ESRRG: variants seen among roughly 807,000 people sequenced by gnomAD.
The protein encoded by ESRRG is estrogen-related receptor gamma.
Under a neutral mutation model 44.0 loss-of-function variants are expected in ESRRG, and 13 were observed. The ratio of observed to expected loss-of-function variants is 0.30; its 90% CI spans 0.19 to 0.47. The LOEUF (loss-of-function observed/expected upper bound fraction) is 0.47, where lower values mean the gene tolerates loss of function less well. ESRRG is among the 20% of genes least tolerant of loss of function. The pLI, the probability that ESRRG is intolerant of heterozygous loss-of-function variation, is 1.00. For missense variants in ESRRG, 395 were observed against 580.6 expected (o/e 0.68, Z 3.29); for synonymous variants, 215 against 214.6 (o/e 1.00, Z -0.02).
At chr1:216,552,583 C>A (rs566652431) in intron 5 of ESRRG, among the ~76,000 whole-genome samples, 1 of 152,148 alleles carries the variant, frequency 6.6e-6, no homozygotes, top group East Asian at 1.9e-4. Context: ...GTATTGCTAA[C>A]CCCAACTTAT....
At chr1:217,022,559 G>C (rs1334236954) in intron 1 of ESRRG, among the ~76,000 whole-genome samples, 1 of 152,052 alleles carries the variant, frequency 6.6e-6, no homozygotes, top group Non-Finnish European at 1.5e-5. Context: ...TGGCTAATGA[G>C]TTTTTCCCAA....
chr1:216,557,176 A>C (rs1482799451), intron 5 of ESRRG, among the ~76,000 whole-genome samples: 1 of 151,964 alleles, frequency 6.6e-6, no homozygotes, highest in Non-Finnish European at 1.5e-5. Context: ...TTTAAAATAC[A>C]CTCTTGTCCA....
At chr1:216,874,256 A>G (rs2096310531) in intron 2 of ESRRG, among the ~76,000 whole-genome samples, 1 of 152,128 alleles carries the variant, frequency 6.6e-6, no homozygotes. Context: ...GCCTTTCAAA[A>G]TTCTCACATA....
At chr1:216,785,709 C>T (rs530795005) in intron 2 of ESRRG, among the ~76,000 whole-genome samples, 62 of 151,938 alleles carry the variant, frequency 4.1e-4, no homozygotes, top group African/African-American at 1.4e-3. Context: ...TTTTTTTGCT[C>T]ATTTCCAAAA....
At chr1:216,631,694 C>T (rs1480161062) in intron 3 of ESRRG, among the ~76,000 whole-genome samples, 1 of 151,930 alleles carries the variant, frequency 6.6e-6, no homozygotes, top group Non-Finnish European at 1.5e-5. Flanking sequence ...CCACACATAC[C>T]TATATTATAT....
At chr1:216,512,780 T>C (rs1330803340) in intron 6 of ESRRG, among the ~76,000 whole-genome samples, 1 of 152,154 alleles carries the variant, frequency 6.6e-6, no homozygotes, top group Non-Finnish European at 1.5e-5. Context: ...TTTGTAGATG[T>C]GATTAAGTTA....
intron 3 of ESRRG, among the ~76,000 whole-genome samples, chr1:216,584,707 T>A (rs1296581922): frequency 2.0e-5 from 3 of 152,254 alleles, no homozygotes; most frequent in African/African-American, 7.2e-5. Context: ...CTTTTCATAT[T>A]ACTTCTACAT....
intron 3 of ESRRG, among the ~76,000 whole-genome samples, chr1:216,618,934 T>C (rs528092338): frequency 5.5e-4 from 83 of 152,214 alleles, no homozygotes; most frequent in Non-Finnish European, 9.8e-4. Context: ...GTGGTTTCCT[T>C]GGCACGTGTG....
intron 1 of ESRRG, among the ~76,000 whole-genome samples, chr1:217,076,567 T>C (rs531196936): frequency 1.3e-5 from 2 of 152,276 alleles, no homozygotes; most frequent in Admixed American, 1.3e-4. Flanking sequence ...ACTCTGAAGT[T>C]AGGACACAGC....
intron 2 of ESRRG, among the ~76,000 whole-genome samples, chr1:216,733,995 A>G (rs2089390712): frequency 6.6e-6 from 1 of 151,378 alleles, no homozygotes. Flanking sequence ...TGTAAAAAAA[A>G]AAAAAAAAAA....
At chr1:217,125,258 T>C (rs371241928) in intron 1 of ESRRG, among the ~76,000 whole-genome samples, 2 of 152,170 alleles carry the variant, frequency 1.3e-5, no homozygotes, top group Non-Finnish European at 2.9e-5. Flanking sequence ...CACTGGAGTA[T>C]CCTGTACAGC....
chr1:216,678,337 T>C (rs139004728), intron 1 of ESRRG, among the ~76,000 whole-genome samples: 2 of 152,358 alleles, frequency 1.3e-5, no homozygotes, highest in African/African-American at 4.8e-5. Context: ...GAGCCTTCAG[T>C]ATACCTGTAA....
At chr1:216,833,819 T>C (rs577860718) in intron 2 of ESRRG, among the ~76,000 whole-genome samples, 67 of 152,258 alleles carry the variant, frequency 4.4e-4, no homozygotes, top group African/African-American at 1.6e-3. Context: ...CATAGCTCCA[T>C]AGAACAAGCA....
chr1:216,628,244 T>C (rs977136493), intron 3 of ESRRG, among the ~76,000 whole-genome samples: 5 of 152,222 alleles, frequency 3.3e-5, no homozygotes, highest in Admixed American at 2.0e-4. Flanking sequence ...TCTTTATTTA[T>C]TTATTTGTTC....
chr1:216,561,766 T>C (rs886715708), intron 5 of ESRRG, among the ~76,000 whole-genome samples: 1 of 152,168 alleles, frequency 6.6e-6, no homozygotes, highest in African/African-American at 2.4e-5. Context: ...AGCCAAGATA[T>C]TCCTTGCAAT....
intron 1 of ESRRG, among the ~76,000 whole-genome samples, chr1:217,004,262 A>G (rs957355353): frequency 1.3e-5 from 2 of 152,190 alleles, no homozygotes; most frequent in East Asian, 3.9e-4. Context: ...CTGTGTCCCC[A>G]CCCAAATCTC....
chr1:216,717,215 G>C (rs1215560910), intron 1 of ESRRG, among the ~76,000 whole-genome samples: 1 of 151,734 alleles, frequency 6.6e-6, no homozygotes. Flanking sequence ...GAAAATCCTG[G>C]ATAATTGATT....
intron 1 of ESRRG, among the ~76,000 whole-genome samples, chr1:217,110,032 A>C (rs181039353): frequency 1.6e-4 from 24 of 152,268 alleles, no homozygotes; most frequent in Admixed American, 1.3e-3. Context: ...TTTGTTACTA[A>C]GGAGAATGCT....
chr1:216,969,633 T>G (rs2071221675), intron 1 of ESRRG, among the ~76,000 whole-genome samples: 3 of 152,170 alleles, frequency 2.0e-5, no homozygotes, highest in Admixed American at 1.3e-4. Flanking sequence ...TTGCCCAGGC[T>G]AGAGTGCAAT....
Sources: gnomAD v4.1 joint callset for allele counts (sites outside exome capture counted in the v4.1 genomes callset) on GRCh38, gnomAD v4.1.1 for gene constraint, MANE v1.5 for transcripts, NCBI Gene and HGNC (gene_info 2026-07-23, HGNC 2026-07-21) for gene names.